Variants in RIT2 observed in about 807,000 individuals in gnomAD.
The protein encoded by RIT2 is Ras like without CAAX 2, also known as GTP-binding protein Rit2.
RIT2 carries 24 observed loss-of-function variants against 23.7 expected under a neutral mutation model. The observed-to-expected ratio is 1.01, with a 90% CI of 0.73 to 1.43. The LOEUF is 1.43. Ranked by LOEUF, RIT2 falls within the 40% of genes most tolerant of loss-of-function variation. The probability of loss-of-function intolerance (pLI) is 0.00; values close to 1 mark genes in which losing one functional copy is unlikely to be tolerated. For missense variants in RIT2, 236 were observed against 266.9 expected, an observed-to-expected ratio of 0.88 and a Z score of 0.81; for synonymous variants, 107 against 91.1, an observed-to-expected ratio of 1.17 and a Z score of -0.99.
At chr18:42,989,000 C>T (rs1230455116) in intron 2 of RIT2, among the ~76,000 whole-genome samples, 3 of 152,074 alleles carry the variant, frequency 2.0e-5, no homozygotes, top group Non-Finnish European at 2.9e-5. Flanking sequence ...TTTTCTTGTT[C>T]CCCAAGCTTG....
chr18:42,811,236 C>A (rs535204526), intron 4 of RIT2, among the ~76,000 whole-genome samples: 21 of 152,166 alleles, frequency 1.4e-4, no homozygotes, highest in African/African-American at 4.6e-4. Flanking sequence ...ATTCTTGATT[C>A]TTGAGTATTA....
Position 42,883,281 on chromosome 18 carries a change from G to A in RIT2, c.426+40291C>T, listed in dbSNP as rs201757512. Among the ~76,000 whole-genome samples, 5 of 152,288 alleles carry A rather than the reference G, an allele frequency of 3.3e-5. No individual in the cohort carries two copies. The East Asian group carries it at 5.8e-4, about 18-fold the overall frequency. On this transcript the variant is annotated intron_variant, in intron 4 of 4. Transcript: ENST00000326695. Reference sequence around the variant, plus strand: ...TGTTCCTGACAATAAAGCCAGGAACGGAGGAAGCTGGTGATCTAATATTGC... The same window carrying A: ...TGTTCCTGACAATAAAGCCAGGAACAGAGGAAGCTGGTGATCTAATATTGC...
intron 1 of RIT2, among the ~76,000 whole-genome samples, chr18:43,036,309 G>A (rs1217400262): frequency 6.6e-6 from 1 of 152,174 alleles, no homozygotes; most frequent in African/African-American, 2.4e-5. Flanking sequence ...GGAGGCCAAG[G>A]CGGGTGGATC....
chr18:42,786,137 T>C (rs534270469), intron 4 of RIT2, among the ~76,000 whole-genome samples: 5 of 152,148 alleles, frequency 3.3e-5, no homozygotes, highest in Non-Finnish European at 7.3e-5. Context: ...AACCAGTGAC[T>C]GGAAAATGGT....
intron 1 of RIT2, among the ~76,000 whole-genome samples, chr18:43,058,912 T>G (rs1457646015): frequency 6.6e-6 from 1 of 151,902 alleles, no homozygotes; most frequent in African/African-American, 2.4e-5. Flanking sequence ...AATAGCTTAT[T>G]TTTCAATACA....
At chr18:42,969,578 T>G (rs930865103) in intron 3 of RIT2, among the ~76,000 whole-genome samples, 1 of 151,876 alleles carries the variant, frequency 6.6e-6, no homozygotes, top group African/African-American at 2.4e-5. Context: ...AAACTACAAC[T>G]GTTTCCCATT....
chr18:43,031,217 T>C (rs1206887752), intron 2 of RIT2, among the ~76,000 whole-genome samples: 1 of 151,860 alleles, frequency 6.6e-6, no homozygotes, highest in Admixed American at 6.6e-5. Flanking sequence ...CAAAAATAAG[T>C]GCAGAGATTA....
chr18:42,988,588 T>C (rs911817343), intron 2 of RIT2, among the ~76,000 whole-genome samples: 36 of 152,328 alleles, frequency 2.4e-4, no homozygotes, highest in African/African-American at 7.9e-4. Context: ...TTCTCTCTGG[T>C]TAAGATAAGT....
intron 4 of RIT2, among the ~76,000 whole-genome samples, chr18:42,872,351 C>G (rs1360625120): frequency 6.6e-6 from 1 of 152,162 alleles, no homozygotes; most frequent in Non-Finnish European, 1.5e-5. Flanking sequence ...GAAGGTTAAT[C>G]TACACTGTAG....
intron 4 of RIT2, among the ~76,000 whole-genome samples, chr18:42,838,432 T>C (rs1443787385): frequency 2.0e-5 from 3 of 151,838 alleles, no homozygotes; most frequent in African/African-American, 7.3e-5. Context: ...ATAATAATTA[T>C]AACAATAAAA....
intron 4 of RIT2, among the ~76,000 whole-genome samples, chr18:42,806,676 G>A (rs1057431532): frequency 1.4e-4 from 21 of 152,132 alleles, no homozygotes; most frequent in Non-Finnish European, 2.4e-4. Context: ...TTACTATTAT[G>A]AAAATAGCTT....
At chr18:42,844,209 G>A (rs1331713372) in intron 4 of RIT2, among the ~76,000 whole-genome samples, 1 of 152,106 alleles carries the variant, frequency 6.6e-6, no homozygotes, top group East Asian at 1.9e-4. Context: ...AAGCCCTTGG[G>A]GCATGTTATA....
rs1598755299 is a variant in RIT2 at position 43,033,985 on chromosome 18, GT to G, written c.104-119del. The stretch of plus-strand genomic sequence containing the variant: ...TATGGTGAATAAGTTAGTTATGTGA[GT>G]GACTAATTTAATTTCACACAAAATG... On this transcript the variant is annotated intron_variant, in intron 1 of 4. Transcript: ENST00000326695. 1.9e-5 allele frequency: 12 copies of G among 623,914 alleles called. No individual in the cohort carries two copies. The East Asian group carries it at 3.4e-4, about 18-fold the overall frequency. The allele number at this position is 623,914 out of a possible 1,614,324, so 38.6% of individuals were successfully genotyped here.
At chr18:42,831,577 A>G (rs1007789307) in intron 4 of RIT2, among the ~76,000 whole-genome samples, 1 of 152,090 alleles carries the variant, frequency 6.6e-6, no homozygotes, top group African/African-American at 2.4e-5. Context: ...GGCTTGTTTG[A>G]GGTCTTAAAG....
At chr18:42,903,279 G>C (rs766567952) in intron 4 of RIT2, among the ~76,000 whole-genome samples, 1 of 151,948 alleles carries the variant, frequency 6.6e-6, no homozygotes, top group Non-Finnish European at 1.5e-5. Context: ...CAGGTTAATA[G>C]GTTGATAGAT....
chr18:42,893,009 A>T (rs1435606748), intron 4 of RIT2, among the ~76,000 whole-genome samples: 1 of 152,162 alleles, frequency 6.6e-6, no homozygotes. Flanking sequence ...ATCACAATAG[A>T]TGGTCAGTAG....
intron 3 of RIT2, among the ~76,000 whole-genome samples, chr18:42,968,023 G>T (rs1466558376): frequency 6.6e-6 from 1 of 152,080 alleles, no homozygotes; most frequent in African/African-American, 2.4e-5. Context: ...CTCAGAACGA[G>T]AACATGATAG....
intron 4 of RIT2, among the ~76,000 whole-genome samples, chr18:42,757,215 A>C (rs532407346): frequency 5.3e-5 from 8 of 152,340 alleles, no homozygotes; most frequent in African/African-American, 1.9e-4. Flanking sequence ...TTAAGGTTTT[A>C]ACTTATTTTC....
chr18:42,824,729 G>C (rs1232760477), intron 4 of RIT2, among the ~76,000 whole-genome samples: 1 of 151,394 alleles, frequency 6.6e-6, no homozygotes, highest in Admixed American at 6.6e-5. Context: ...GCTATAGCTA[G>C]TTTAAAACCT....
Sources: allele counts gnomAD v4.1 joint callset (sites outside exome capture counted in the v4.1 genomes callset), GRCh38; gene constraint gnomAD v4.1.1; transcripts MANE v1.5; gene names NCBI Gene and HGNC (gene_info 2026-07-23, HGNC 2026-07-21).